SLC47A1: variants seen among roughly 807,000 people sequenced by gnomAD.
The protein encoded by SLC47A1 is solute carrier family 47 member 1, also known as multidrug and toxin extrusion protein 1.
Under a neutral mutation model 65.8 loss-of-function variants are expected in SLC47A1, and 58 were observed. The observed-to-expected ratio is 0.88, with a 90% confidence interval of 0.71 to 1.10. SLC47A1 has a LOEUF of 1.10. Ranked by LOEUF, SLC47A1 falls within the 50% of genes least tolerant of loss-of-function variation. The pLI is 0.00. For synonymous variants in SLC47A1, 285 were observed against 295.0 expected, an observed-to-expected ratio of 0.97 and a Z score of 0.35; for missense variants, 706 against 719.2, an observed-to-expected ratio of 0.98 and a Z score of 0.21.
At chr17:19,539,769 G>A (rs1216323532) in intron 1 of SLC47A1, among the ~76,000 whole-genome samples, 1 of 152,160 alleles carries the variant, frequency 6.6e-6, no homozygotes, top group Non-Finnish European at 1.5e-5. Flanking sequence ...TACAAGGCGT[G>A]AGCCACTGAG....
chr17:19,578,225 C>T lies in SLC47A1; in HGVS notation c.*672C>T. 1 of 348,876 alleles carries T rather than the reference C, an allele frequency of 2.9e-6. No homozygotes were observed. The highest frequency in any genetic ancestry group is 5.7e-6 in the Non-Finnish European group (1 of 176,758). The allele number at this position is 348,876 out of a possible 1,614,324, so 21.6% of individuals were successfully genotyped here. A position where few individuals can be genotyped will look rare whatever the true frequency, so the allele number is the denominator to read the frequency against. ...AAAAACAGTTGGGAAATCTTTCGAG[C>T]TGTGGAAATCCAAACAAAGACTGAT... On this transcript the variant is annotated 3_prime_UTR_variant, in exon 17 of 17. Transcript: ENST00000270570.
Position 19,560,252 on chromosome 17 carries a change from T to C in SLC47A1, c.986T>C (p.Met329Thr). ...GGAAACGCTCTGGGTGCTGGAGACATGGAGCAGGCACGGAAGTCCTCTACC... is the reference window on the plus strand; with the variant it reads ...GGAAACGCTCTGGGTGCTGGAGACACGGAGCAGGCACGGAAGTCCTCTACC... Reference protein sequence around the residue: ...RVGNALGAGDMEQARKSSTVS... With the variant: ...RVGNALGAGDTEQARKSSTVS... The change falls in exon 11 of 17, where the codon ATG (methionine) becomes ACG (threonine). Residue 329 changes from methionine to threonine, a missense_variant. Coordinates refer to ENST00000270570, the MANE Select transcript of SLC47A1 (RefSeq NM_018242.3). The C allele has an allele frequency of 6.2e-7, 1 of 1,613,870 alleles. No individual in the cohort carries two copies.
At chr17:19,540,600 G>T (rs938048150) in intron 1 of SLC47A1, among the ~76,000 whole-genome samples, 1 of 152,154 alleles carries the variant, frequency 6.6e-6, no homozygotes, top group African/African-American at 2.4e-5. Context: ...GGCATCCATT[G>T]GCTCTAGGTT....
chr17:19,541,317 G>T (rs1346806853), intron 1 of SLC47A1, among the ~76,000 whole-genome samples: 1 of 152,154 alleles, frequency 6.6e-6, no homozygotes, highest in Non-Finnish European at 1.5e-5. Flanking sequence ...GGGAGCAGGG[G>T]TCAGGTGAAC....
intron 6 of SLC47A1, among the ~76,000 whole-genome samples, chr17:19,552,643 G>T (rs1278944977): frequency 2.0e-5 from 3 of 152,212 alleles, no homozygotes; most frequent in Non-Finnish European, 4.4e-5. Flanking sequence ...ACAGGGAAAG[G>T]CATGGAAGTA....
chr17:19,571,401 G>T (rs1429239252), intron 14 of SLC47A1, 77 bp from the exon 15 acceptor site: 1 of 1,270,940 alleles, frequency 7.9e-7, no homozygotes, highest in Non-Finnish European at 1.1e-6. Context: ...TGACAGAAGT[G>T]ATATAGGCAA....
intron 2 of SLC47A1, among the ~76,000 whole-genome samples, chr17:19,543,782 C>T (rs1290028272): frequency 5.3e-5 from 8 of 152,076 alleles, no homozygotes; most frequent in South Asian, 2.1e-4. Flanking sequence ...CAGTGGCTCT[C>T]GGGCAGGTGT....
chr17:19,571,540 A>T lies in SLC47A1; in HGVS notation c.1372A>T (p.Ile458Phe). The change falls in exon 15 of 17, where the codon ATT becomes TTT. Residue 458 changes from isoleucine to phenylalanine, a missense_variant. Ile to Phe is a conservative substitution (Grantham distance 21, BLOSUM62 0). Transcript: ENST00000270570. ...FQAVCFLGFI[I>F]QLNWKKACQQ... Reference sequence around the variant, plus strand: ...AGCTGTGTGTTTTCTAGGCTTTATTATTCAGCTAAATTGGAAAAAAGCCTG... The same window carrying T: ...AGCTGTGTGTTTTCTAGGCTTTATTTTTCAGCTAAATTGGAAAAAAGCCTG... 6.2e-7 allele frequency: 1 copy of T among 1,614,028 alleles called. No individual in the cohort carries two copies. Among genetic ancestry groups the T allele is most frequent in the South Asian group, 1.1e-5 (1 of 91,076 alleles).
chr17:19,575,911 C>A (rs914117633), intron 16 of SLC47A1, among the ~76,000 whole-genome samples: 3 of 152,096 alleles, frequency 2.0e-5, no homozygotes, highest in African/African-American at 7.2e-5. Context: ...TACCCAACAT[C>A]CCAGTGAGGC....
At chr17:19,551,316 C>T in intron 5 of SLC47A1, 108 bp from the exon 6 acceptor site, 1 of 974,684 alleles carries the variant, frequency 1.0e-6, no homozygotes, top group Non-Finnish European at 1.7e-6. Flanking sequence ...CGTGCGGGAG[C>T]AGAGGGCAGC....
rs1376644585 is a variant in SLC47A1, at chr17:19,560,025, C to G, written c.922-163C>G. 8.4e-6 allele frequency: 5 copies of G among 594,216 alleles called. No homozygotes were observed. The Admixed American group carries it at 1.2e-4, about 15-fold the overall frequency. The allele number at this position is 594,216 out of a possible 1,614,324, so 36.8% of individuals were successfully genotyped here. On this transcript the variant is annotated intron_variant, in intron 10 of 16. Coordinates refer to ENST00000270570, the MANE Select transcript of SLC47A1 (RefSeq NM_018242.3). ...ACCTGGGGCTCAGTTTCCACAGTAGCGTGGGAGTTCCCGGCTAGACAAAGG... is the reference window on the plus strand; with the variant it reads ...ACCTGGGGCTCAGTTTCCACAGTAGGGTGGGAGTTCCCGGCTAGACAAAGG...
intron 12 of SLC47A1, among the ~76,000 whole-genome samples, chr17:19,562,046 T>A (rs2084315441): frequency 1.3e-5 from 2 of 152,224 alleles, no homozygotes; most frequent in Non-Finnish European, 2.9e-5. Flanking sequence ...TCATCAGCGA[T>A]GCTAGTGTGT....
rs540139708 is a variant in SLC47A1, at chr17:19,566,716, C to T, written c.1107-74C>T. 19 of 1,423,536 alleles carry T rather than the reference C, an allele frequency of 1.3e-5. No homozygotes were observed. The East Asian group carries it at 2.5e-4, about 19-fold the overall frequency. 88.2% of individuals were successfully genotyped at this position (1,423,536 alleles called of 1,614,324 possible). ...CTGAGATTACAGGCATGAGCCACTG[C>T]GCCTAGCCAGAAAGCTATATACTTC... On this transcript the variant is annotated intron_variant, in intron 12 of 16. Transcript: ENST00000270570.
intron 2 of SLC47A1, among the ~76,000 whole-genome samples, 156 bp downstream of exon 2, chr17:19,542,650 A>G (rs529427919): frequency 1.3e-5 from 2 of 152,236 alleles, no homozygotes; most frequent in African/African-American, 4.8e-5. Flanking sequence ...TTCATGGCCT[A>G]AAATCAAGGT....
intron 6 of SLC47A1, 102 bp downstream of exon 6, chr17:19,551,570 G>A (rs1485031217): frequency 3.9e-6 from 4 of 1,024,658 alleles, no homozygotes; most frequent in African/African-American, 1.6e-5. Flanking sequence ...CCCCAGGGTG[G>A]AGGGAGCTCA....
Position 19,560,476 on chromosome 17 carries a change from C to T in SLC47A1, c.1089C>T (p.Tyr363=). Residue 363 remains tyrosine, a synonymous_variant, in exon 12 of 17, where the codon TAC becomes TAT. Transcript: ENST00000270570. ...LLLSCKDHVG[Y]IFTTDRDIIN... The stretch of plus-strand genomic sequence containing the variant: ...TAAGCTGTAAGGATCACGTGGGGTA[C>T]ATTTTTACTACCGACCGGTGAGTGC... The T allele has an allele frequency of 3.1e-6, 5 of 1,614,162 alleles. No homozygotes were observed. Among genetic ancestry groups the T allele is most frequent in the Non-Finnish European group, 4.2e-6 (5 of 1,180,026 alleles).
In SLC47A1 at chr17:19,578,391, A is replaced by G. The variant is rs1418918873; in HGVS notation, c.*838A>G. On this transcript the variant is annotated 3_prime_UTR_variant, in exon 17 of 17. Transcript: ENST00000270570. ...TAGCTAATTTTTTATACCAGGGTCT[A>G]CCCTTTGTTTCCCAGGCTGGTCTTG... The G allele has an allele frequency of 1.1e-5, 2 of 176,760 alleles. No homozygotes were observed. The highest frequency in any genetic ancestry group is 2.4e-5 in the Non-Finnish European group (2 of 82,852). The allele number at this position is 176,760 out of a possible 1,614,324, so 10.9% of individuals were successfully genotyped here.
At chr17:19,568,495 T>C (rs886252874) in intron 14 of SLC47A1, among the ~76,000 whole-genome samples, 6 of 152,212 alleles carry the variant, frequency 3.9e-5, no homozygotes, top group Non-Finnish European at 7.3e-5. Flanking sequence ...GTATAAAATA[T>C]TAAGGAAATA....
chr17:19,556,943 A>G (rs1313548882), intron 10 of SLC47A1, among the ~76,000 whole-genome samples: 3 of 152,236 alleles, frequency 2.0e-5, no homozygotes, highest in Non-Finnish European at 2.9e-5. Context: ...AATGGGTTCT[A>G]TGCATACAGT....
Sources: gnomAD v4.1 joint callset for allele counts (sites outside exome capture counted in the v4.1 genomes callset) on GRCh38, gnomAD v4.1.1 for gene constraint, MANE v1.5 for transcripts, NCBI Gene and HGNC (gene_info 2026-07-23, HGNC 2026-07-21) for gene names.